Variants in INSYN2A observed in about 807,000 individuals in gnomAD.
The protein encoded by INSYN2A is family with sequence similarity 196 member A.
INSYN2A carries 17 observed loss-of-function variants against 39.4 expected under a neutral mutation model. That is an observed-to-expected ratio of 0.43 (90% CI 0.30 to 0.65). INSYN2A has a LOEUF of 0.65. INSYN2A is among the 30% of genes least tolerant of loss of function. INSYN2A has a pLI of 0.14. For synonymous variants in INSYN2A, 255 were observed against 265.7 expected, an observed-to-expected ratio of 0.96 and a Z score of 0.39; for missense variants, 595 against 631.2, an observed-to-expected ratio of 0.94 and a Z score of 0.61.
chr10:127,185,826 ACT>A (rs2056179009), intron 2 of INSYN2A, among the ~76,000 whole-genome samples: 1 of 152,142 alleles, frequency 6.6e-6, no homozygotes, highest in Non-Finnish European at 1.5e-5. Context: ...TGGCACACAC[ACT>A]CACAAAAATG....
chr10:127,185,257 G>A (rs1056376550), intron 2 of INSYN2A, among the ~76,000 whole-genome samples: 4 of 152,134 alleles, frequency 2.6e-5, no homozygotes, highest in South Asian at 2.1e-4. Flanking sequence ...GGCCAGGCAC[G>A]GTGGCTCATG....
intron 4 of INSYN2A, among the ~76,000 whole-genome samples, chr10:127,173,899 G>A (rs1033627782): frequency 6.6e-6 from 1 of 152,160 alleles, no homozygotes; most frequent in East Asian, 1.9e-4. Flanking sequence ...CATTTGGCTG[G>A]CAGTTCTTTT....
chr10:127,185,319 G>A (rs1414630448), intron 2 of INSYN2A, among the ~76,000 whole-genome samples: 2 of 152,122 alleles, frequency 1.3e-5, no homozygotes, highest in Non-Finnish European at 2.9e-5. Flanking sequence ...ACAAGGTCAG[G>A]AGATCAAGAC....
intron 4 of INSYN2A, among the ~76,000 whole-genome samples, chr10:127,169,182 G>A (rs2054342570): frequency 6.6e-6 from 1 of 152,076 alleles, no homozygotes; most frequent in African/African-American, 2.4e-5. Context: ...TACATATTAG[G>A]TATATGTGTG....
chr10:127,140,208 G>A (rs1406366187), intron 5 of INSYN2A, among the ~76,000 whole-genome samples: 1 of 152,176 alleles, frequency 6.6e-6, no homozygotes, highest in East Asian at 1.9e-4. Flanking sequence ...ACTACACTGG[G>A]AATCCTGTTA....
intron 5 of INSYN2A, among the ~76,000 whole-genome samples, chr10:127,138,978 A>G (rs1302626825): frequency 6.6e-6 from 1 of 151,970 alleles, no homozygotes; most frequent in Non-Finnish European, 1.5e-5. Flanking sequence ...TTCTGTGATG[A>G]TCTCTGCATT....
intron 5 of INSYN2A, among the ~76,000 whole-genome samples, chr10:127,143,551 A>T (rs2051480044): frequency 6.6e-6 from 1 of 152,182 alleles, no homozygotes. Flanking sequence ...CAGGTGCACC[A>T]GGATGTGGGC....
chr10:127,158,771 TGGC>T (rs1251978847), intron 4 of INSYN2A, among the ~76,000 whole-genome samples: 2 of 152,236 alleles, frequency 1.3e-5, no homozygotes, highest in Non-Finnish European at 2.9e-5. Context: ...ATGGATTTTG[TGGC>T]ATTCACTATG....
At chr10:127,172,252 AGT>A (rs1472286034) in intron 4 of INSYN2A, among the ~76,000 whole-genome samples, 1 of 152,126 alleles carries the variant, frequency 6.6e-6, no homozygotes, top group Non-Finnish European at 1.5e-5. Flanking sequence ...AGTGGAGCAG[AGT>A]GTTACATTTT....
intron 4 of INSYN2A, among the ~76,000 whole-genome samples, chr10:127,158,065 G>A (rs2053249868): frequency 1.3e-5 from 2 of 152,120 alleles, no homozygotes; most frequent in East Asian, 3.9e-4. Context: ...GTAGGGTTTG[G>A]CTTCACTGAT....
chr10:127,193,077 C>T (rs2056864451), intron 1 of INSYN2A, among the ~76,000 whole-genome samples: 2 of 152,074 alleles, frequency 1.3e-5, no homozygotes, highest in East Asian at 3.8e-4. Flanking sequence ...ATTGAAGTCA[C>T]CCCATAATGT....
chr10:127,179,740 A>G (rs1220600791), intron 2 of INSYN2A, among the ~76,000 whole-genome samples: 1 of 152,164 alleles, frequency 6.6e-6, no homozygotes, highest in African/African-American at 2.4e-5. Context: ...GACAAGTGGA[A>G]CCTTCTCCCA....
rs1223263750 is a variant in INSYN2A, at chr10:127,176,332, C to T, written c.64G>A (p.Ala22Thr). The T allele has an allele frequency of 9.9e-6, 16 of 1,613,738 alleles. No homozygotes were observed. The Admixed American group carries it at 1.7e-4, about 17-fold the overall frequency. Residue 22 changes from alanine to threonine, a missense_variant, in exon 4 of 6, where the codon GCC becomes ACC. Ala to Thr is a moderately conservative substitution (Grantham distance 58). Around this residue, in one of 2 missense-constraint regions of INSYN2A, gnomAD observed 478 missense variants for 467.4 expected, o/e 1.02. Transcript: ENST00000522781. The surrounding 1 kb of genome is among the most constrained non-coding windows in gnomAD (Gnocchi z 4.4). ...TTSESEVEPA[A>T]CLALEMKYAL... ...TATTTCATCTCCAGGGCCAGGCAGG[C>T]GGCGGGTTCCACTTCACTCTCCGAC...
chr10:127,192,062 G>A (rs1396216014), intron 2 of INSYN2A, among the ~76,000 whole-genome samples: 1 of 152,152 alleles, frequency 6.6e-6, no homozygotes, highest in African/African-American at 2.4e-5. Context: ...ATATGGTGGG[G>A]TTTTCTTTTG....
intron 4 of INSYN2A, among the ~76,000 whole-genome samples, chr10:127,170,394 A>G (rs1376234738): frequency 6.6e-6 from 1 of 152,196 alleles, no homozygotes; most frequent in Non-Finnish European, 1.5e-5. Context: ...GGCCTGGCCC[A>G]TAGAAGAATC....
intron 5 of INSYN2A, among the ~76,000 whole-genome samples, chr10:127,138,786 G>C (rs950418419): frequency 6.6e-6 from 1 of 152,188 alleles, no homozygotes; most frequent in Non-Finnish European, 1.5e-5. Flanking sequence ...TTAGAAGATG[G>C]TGTTAAAGAT....
intron 5 of INSYN2A, among the ~76,000 whole-genome samples, chr10:127,149,382 A>C (rs2052248348): frequency 6.6e-6 from 1 of 152,100 alleles, no homozygotes; most frequent in Non-Finnish European, 1.5e-5. Flanking sequence ...AAATTGCATC[A>C]AGACCGTTTG....
chr10:127,135,861 A>G lies in INSYN2A; in HGVS notation c.*1976T>C, dbSNP rs1315609618. 6.6e-6 allele frequency: 1 copy of G among 152,654 alleles called. No homozygotes were observed. Among genetic ancestry groups the G allele is most frequent in the Non-Finnish European group, 1.5e-5 (1 of 68,036 alleles). The allele number at this position is 152,654 out of a possible 1,614,324, so 9.5% of individuals were successfully genotyped here. A position where few individuals can be genotyped will look rare whatever the true frequency, so the allele number is the denominator to read the frequency against. On this transcript the variant is annotated 3_prime_UTR_variant, in exon 6 of 6. Transcript: ENST00000522781. ...AATACCCTTATTTCAATTTACTGAG[A>G]TAGTTGGGATTCTTAAAACATAAGG...
chr10:127,194,295 C>G (rs1437258907), intron 1 of INSYN2A, among the ~76,000 whole-genome samples: 1 of 152,186 alleles, frequency 6.6e-6, no homozygotes, highest in Non-Finnish European at 1.5e-5. Flanking sequence ...GCAGTGCCAT[C>G]TAATGTAAGT....
Sources: gnomAD v4.1 joint callset for allele counts (sites outside exome capture counted in the v4.1 genomes callset) on GRCh38, gnomAD v4.1.1 for gene constraint, gnomAD v4.1.1 regional missense constraint, Gnocchi (gnomAD v3.1) non-coding constraint, MANE v1.5 for transcripts, NCBI Gene and HGNC (gene_info 2026-07-23, HGNC 2026-07-21) for gene names.